Variants in TENM2 observed in about 807,000 individuals in gnomAD.
The protein encoded by TENM2 is teneurin-2.
A neutral mutation model predicts 245.2 loss-of-function variants in TENM2; 52 were observed. The ratio of observed to expected loss-of-function variants is 0.21; its 90% CI spans 0.17 to 0.27. The LOEUF (loss-of-function observed/expected upper bound fraction) is 0.27. Among genes scored for constraint, TENM2 ranks in the 10% least tolerant of loss-of-function variants. The probability of loss-of-function intolerance (pLI) is 1.00; values close to 1 mark genes in which losing one functional copy is unlikely to be tolerated. For synonymous variants in TENM2, 1,363 were observed against 1,438.9 expected, an observed-to-expected ratio of 0.95 and a Z score of 1.19; for missense variants, 3,046 against 3,666.8, an observed-to-expected ratio of 0.83 and a Z score of 4.37.
chr5:167,499,134 T>A (rs1769010722), intron 2 of TENM2, among the ~76,000 whole-genome samples: 1 of 152,164 alleles, frequency 6.6e-6, no homozygotes, highest in Non-Finnish European at 1.5e-5. Flanking sequence ...GGTCCCTTCC[T>A]CTGTGTCCCG....
chr5:167,146,539 G>A, the TENM2 span, among the ~76,000 whole-genome samples: 2 of 152,114 alleles, frequency 1.3e-5, no homozygotes, highest in African/African-American at 4.8e-5. Flanking sequence ...TGAAATGAAA[G>A]ACTTGACCTC....
At chr5:167,466,357 CAT>C (rs1250650556) in intron 2 of TENM2, among the ~76,000 whole-genome samples, 1 of 152,210 alleles carries the variant, frequency 6.6e-6, no homozygotes, top group African/African-American at 2.4e-5. Context: ...GTTAGAGACA[CAT>C]GTCATACCTA....
intron 1 of TENM2, among the ~76,000 whole-genome samples, chr5:167,328,209 T>G (rs1474183602): frequency 6.2e-5 from 3 of 48,110 alleles, no homozygotes; most frequent in South Asian, 7.6e-4. Flanking sequence ...ATATCGTTTT[T>G]TTTTTTTTTT....
At chr5:167,472,161 T>C (rs1032938435) in intron 2 of TENM2, among the ~76,000 whole-genome samples, 4 of 152,142 alleles carry the variant, frequency 2.6e-5, no homozygotes, top group Non-Finnish European at 1.5e-5. Flanking sequence ...ACATCCAATT[T>C]GGAAATTCCA....
chr5:167,451,534 G>T (rs568741309), intron 2 of TENM2, among the ~76,000 whole-genome samples: 1 of 152,262 alleles, frequency 6.6e-6, no homozygotes, highest in South Asian at 2.1e-4. Flanking sequence ...AGTCCAGGCC[G>T]CATTCCTAAT....
intron 2 of TENM2, among the ~76,000 whole-genome samples, chr5:167,654,938 A>T (rs1026848660): frequency 3.3e-5 from 5 of 152,118 alleles, no homozygotes; most frequent in African/African-American, 1.2e-4. Flanking sequence ...GCTGGCACCT[A>T]TTATTAGTAA....
intron 12 of TENM2, among the ~76,000 whole-genome samples, chr5:168,161,847 A>G (rs1266005473): frequency 2.2e-5 from 2 of 92,328 alleles, no homozygotes; most frequent in East Asian, 5.5e-4. Flanking sequence ...CACACACATC[A>G]ATAAAGGAAA....
At chr5:167,994,195 T>C (rs1306676895) in intron 5 of TENM2, among the ~76,000 whole-genome samples, 1 of 152,272 alleles carries the variant, frequency 6.6e-6, no homozygotes, top group Admixed American at 6.5e-5. Flanking sequence ...CTGCCCAGTT[T>C]GGCTGTGCCA....
At position 168,238,080 on chromosome 5, in the gene TENM2, G is replaced by A. The variant is rs193190372; in HGVS notation, c.5521-6340G>A. 9.3e-3 allele frequency among the ~76,000 whole-genome samples: 1,393 copies of A among 150,052 alleles called. 12 individuals carry two copies. The highest frequency in any genetic ancestry group is 0.011 in the Non-Finnish European group (754 of 67,710). ...GAATGGTGTGAACCCGGGAGGTGGA[G>A]CTTGCAGTGAGCCCAGATTGCGCCA... On this transcript the variant is annotated intron_variant, in intron 25 of 28. Transcript: ENST00000518659.
chr5:167,555,812 G>A (rs1224250841), intron 2 of TENM2, among the ~76,000 whole-genome samples: 1 of 152,074 alleles, frequency 6.6e-6, no homozygotes, highest in Non-Finnish European at 1.5e-5. Context: ...CTGCTGGAGA[G>A]CTCCAAAGCT....
intron 5 of TENM2, among the ~76,000 whole-genome samples, chr5:168,020,097 A>G (rs544107413): frequency 9.2e-5 from 14 of 152,324 alleles, no homozygotes; most frequent in South Asian, 2.1e-4. Flanking sequence ...TTAGATTGTT[A>G]GGATTTACAA....
intron 2 of TENM2, among the ~76,000 whole-genome samples, chr5:167,385,856 A>ATG (rs60407919): frequency 0.1 from 14,219 of 138,958 alleles, 693 homozygotes; most frequent in Middle Eastern, 0.16. Context: ...TTATATATAT[A>ATG]TGTGTGTGTG....
chr5:167,483,203 C>T (rs556931962), intron 2 of TENM2, among the ~76,000 whole-genome samples: 14 of 152,136 alleles, frequency 9.2e-5, no homozygotes, highest in Admixed American at 2.6e-4. Context: ...CAGAGTTAGC[C>T]GGCCAATTTC....
chr5:168,072,465 A>G (rs1791099258), intron 7 of TENM2, among the ~76,000 whole-genome samples: 1 of 152,184 alleles, frequency 6.6e-6, no homozygotes, highest in African/African-American at 2.4e-5. Context: ...CATGCCCTCA[A>G]CAAATACTCA....
At chr5:167,484,773 TCATAA>T (rs1317862764) in intron 2 of TENM2, among the ~76,000 whole-genome samples, 2 of 152,156 alleles carry the variant, frequency 1.3e-5, no homozygotes, top group Non-Finnish European at 2.9e-5. Context: ...TTGAATCAAC[TCATAA>T]CATAGAGTTC....
In TENM2 at chr5:168,017,042, G is replaced by A. The variant is rs927515096; in HGVS notation, c.1186+23860G>A. The stretch of plus-strand genomic sequence containing the variant: ...ATCTCCTAGAAGGCACCCTGCTCTG[G>A]TCCTTATGATCTGCACTGACCAGTT... On this transcript the variant is annotated intron_variant, in intron 5 of 28. Transcript: ENST00000518659. Among the ~76,000 whole-genome samples, 16 of 152,242 alleles carry A rather than the reference G, an allele frequency of 1.1e-4. 1 individual carries two copies. The South Asian group carries it at 3.3e-3, about 32-fold the overall frequency.
intron 2 of TENM2, chr5:167,755,275 C>A: frequency 9.6e-7 from 1 of 1,041,346 alleles, no homozygotes; most frequent in Non-Finnish European, 1.4e-6. Flanking sequence ...TTTACTTTAA[C>A]CCTTCAGCGG....
At chr5:167,192,022 ATCTTTAGCAAC>A in the TENM2 span, among the ~76,000 whole-genome samples, 1 of 152,054 alleles carries the variant, frequency 6.6e-6, no homozygotes, top group East Asian at 1.9e-4. Flanking sequence ...TCAAGGAAAA[ATCTTTAGCAAC>A]TCAACTCTTA....
chr5:167,994,853 A>G (rs1359566978), intron 5 of TENM2, among the ~76,000 whole-genome samples: 2 of 152,166 alleles, frequency 1.3e-5, no homozygotes, highest in African/African-American at 4.8e-5. Context: ...AGAAAGGCGG[A>G]AGGATATCTG....
Sources: gnomAD v4.1 joint callset for allele counts (sites outside exome capture counted in the v4.1 genomes callset) on GRCh38, gnomAD v4.1.1 for gene constraint, MANE v1.5 for transcripts, NCBI Gene and HGNC (gene_info 2026-07-23, HGNC 2026-07-21) for gene names.